CHST9: variants seen among roughly 807,000 people sequenced by gnomAD.
CHST9 encodes the protein carbohydrate sulfotransferase 9, also known as GalNAc-4-sulfotransferase 2.
A neutral mutation model predicts 44.4 loss-of-function variants in CHST9; 41 were observed. The ratio of observed to expected loss-of-function variants is 0.92; its 90% CI spans 0.72 to 1.20. The LOEUF (loss-of-function observed/expected upper bound fraction) is 1.20, where lower values mean the gene tolerates loss of function less well. Among genes scored for constraint, CHST9 ranks in the 50% most tolerant of loss-of-function variants. The pLI is 0.00. For missense variants in CHST9, 504 were observed against 516.5 expected, an observed-to-expected ratio of 0.98 and a Z score of 0.23; for synonymous variants, 171 against 178.4, an observed-to-expected ratio of 0.96 and a Z score of 0.33.
intron 1 of CHST9, among the ~76,000 whole-genome samples, chr18:27,164,666 T>C (rs2058776262): frequency 6.6e-6 from 1 of 152,210 alleles, no homozygotes; most frequent in Admixed American, 6.5e-5. Context: ...TGGGACATTG[T>C]CTTGACATTT....
chr18:27,016,940 A>G (rs2057162170), intron 4 of CHST9, among the ~76,000 whole-genome samples: 2 of 152,176 alleles, frequency 1.3e-5, no homozygotes, highest in East Asian at 1.9e-4. Flanking sequence ...CAGAAATCAT[A>G]TGTTCTGCCT....
intron 4 of CHST9, among the ~76,000 whole-genome samples, chr18:26,966,460 T>C (rs1247931886): frequency 6.6e-6 from 1 of 152,214 alleles, no homozygotes; most frequent in Non-Finnish European, 1.5e-5. Flanking sequence ...AAAAATTTCA[T>C]CTCTTTGCCT....
chr18:27,049,959 A>C (rs1436546550), intron 2 of CHST9, among the ~76,000 whole-genome samples: 1 of 152,124 alleles, frequency 6.6e-6, no homozygotes, highest in African/African-American at 2.4e-5. Context: ...AGCAGCTGAG[A>C]TCTGGGGACC....
chr18:27,000,540 G>A (rs1311731427), intron 4 of CHST9, among the ~76,000 whole-genome samples: 1 of 152,118 alleles, frequency 6.6e-6, no homozygotes, highest in African/African-American at 2.4e-5. Flanking sequence ...TGAAGCCCTA[G>A]CCTAGCAGTC....
In CHST9 at chr18:26,914,975, T is replaced by C. The variant is rs1336059375; in HGVS notation, c.*1284A>G. 1.0e-5 allele frequency: 2 copies of C among 195,530 alleles called. No homozygotes were observed. The highest frequency in any genetic ancestry group is 1.8e-5 in the Non-Finnish European group (2 of 112,464). 12.1% of individuals were successfully genotyped at this position (195,530 alleles called of 1,614,324 possible). A position where few individuals can be genotyped will look rare whatever the true frequency, so the allele number is the denominator to read the frequency against. On this transcript the variant is annotated 3_prime_UTR_variant, in exon 6 of 6. Coordinates refer to ENST00000618847, the MANE Select transcript of CHST9 (RefSeq NM_031422.6). ...AATGTTTCCCATCCAAAATGATCCC[T>C]TTTTTTTTCCCCAAGGGATCTAATT...
intron 4 of CHST9, among the ~76,000 whole-genome samples, chr18:26,980,456 C>T (rs2056678335): frequency 6.6e-6 from 1 of 151,996 alleles, no homozygotes; most frequent in South Asian, 2.1e-4. Context: ...AGGAGACTAC[C>T]GATTTATTCT....
At chr18:27,019,833 A>T (rs1029325329) in intron 4 of CHST9, among the ~76,000 whole-genome samples, 1 of 152,206 alleles carries the variant, frequency 6.6e-6, no homozygotes, top group African/African-American at 2.4e-5. Context: ...TATTCCAAGG[A>T]TTACTAAAAT....
intron 4 of CHST9, among the ~76,000 whole-genome samples, chr18:27,021,654 C>T (rs572598853): frequency 1.3e-5 from 2 of 152,260 alleles, no homozygotes; most frequent in African/African-American, 4.8e-5. Flanking sequence ...TGTCTTGCTT[C>T]CCCATTGCAG....
chr18:26,975,224 G>A (rs375508317), intron 4 of CHST9, among the ~76,000 whole-genome samples: 1 of 152,134 alleles, frequency 6.6e-6, no homozygotes, highest in Non-Finnish European at 1.5e-5. Context: ...GCCAGTGAGG[G>A]TGGGGGGAAG....
At chr18:27,067,115 C>T (rs2057789864) in intron 2 of CHST9, among the ~76,000 whole-genome samples, 1 of 152,026 alleles carries the variant, frequency 6.6e-6, no homozygotes, top group African/African-American at 2.4e-5. Context: ...TATTGCACCA[C>T]CCAATCAATA....
At chr18:27,016,726 T>C (rs1292093434) in intron 4 of CHST9, among the ~76,000 whole-genome samples, 1 of 152,226 alleles carries the variant, frequency 6.6e-6, no homozygotes, top group Non-Finnish European at 1.5e-5. Flanking sequence ...ATGTTTTATA[T>C]ATCTATACTT....
At chr18:27,050,959 T>G (rs2057559552) in intron 2 of CHST9, among the ~76,000 whole-genome samples, 2 of 152,234 alleles carry the variant, frequency 1.3e-5, no homozygotes, top group South Asian at 4.1e-4. Flanking sequence ...GTATTTGAGA[T>G]AAATAATATG....
chr18:27,175,002 T>C (rs573956326), intron 1 of CHST9, among the ~76,000 whole-genome samples: 89 of 152,068 alleles, frequency 5.9e-4, no homozygotes, highest in Non-Finnish European at 1.1e-3. Flanking sequence ...TCAGTTTTAA[T>C]GCAGCATTTT....
Position 27,004,771 on chromosome 18 carries a change from A to T in CHST9, c.202+19345T>A, listed in dbSNP as rs556900902. ...AATTTATTTTAATTAGGCAGAAAGG[A>T]GGGTTTCTTGAGCAGGTCTAGGACA... is the stretch of plus-strand genomic sequence containing the variant. On this transcript the variant is annotated intron_variant, in intron 4 of 5. Transcript: ENST00000618847. 2.0e-5 allele frequency among the ~76,000 whole-genome samples: 3 copies of T among 152,312 alleles called. No homozygotes were observed. The South Asian group carries it at 6.2e-4, about 32-fold the overall frequency.
chr18:27,045,935 A>C (rs757803859), intron 3 of CHST9, among the ~76,000 whole-genome samples: 3 of 152,056 alleles, frequency 2.0e-5, no homozygotes, highest in Non-Finnish European at 4.4e-5. Context: ...GTCGAAACTA[A>C]ATTAGTGTAA....
rs117145396 is a variant in CHST9 at position 27,015,270 on chromosome 18, T to C, written c.202+8846A>G. ...GGCACATTTCTCCAATTTTTCAGTG[T>C]AAAGAAACATACTTTTTATTTTCCG... On this transcript the variant is annotated intron_variant, in intron 4 of 5. Coordinates refer to ENST00000618847, the MANE Select transcript of CHST9 (RefSeq NM_031422.6). Among the ~76,000 whole-genome samples the C allele has an allele frequency of 3.1e-4, 47 of 152,142 alleles. No individual in the cohort carries two copies. In the East Asian group the frequency reaches 8.1e-3, roughly 26 times the overall value.
At chr18:27,011,726 C>T (rs2057087633) in intron 4 of CHST9, among the ~76,000 whole-genome samples, 1 of 152,232 alleles carries the variant, frequency 6.6e-6, no homozygotes, top group South Asian at 2.1e-4. Context: ...TCCAAACTCT[C>T]AGTCTCAAGG....
At chr18:26,927,193 T>G (rs1398738376) in intron 5 of CHST9, among the ~76,000 whole-genome samples, 1 of 152,132 alleles carries the variant, frequency 6.6e-6, no homozygotes, top group African/African-American at 2.4e-5. Context: ...CCAGCTGTCT[T>G]GTGTTGCAAT....
intron 1 of CHST9, among the ~76,000 whole-genome samples, chr18:27,164,873 T>C (rs2058777882): frequency 6.6e-6 from 1 of 152,214 alleles, no homozygotes. Context: ...TATTAAATGC[T>C]ACCAAATTCT....
Sources: gnomAD v4.1 joint callset for allele counts (sites outside exome capture counted in the v4.1 genomes callset) on GRCh38, gnomAD v4.1.1 for gene constraint, MANE v1.5 for transcripts, NCBI Gene and HGNC (gene_info 2026-07-23, HGNC 2026-07-21) for gene names.